The following RHBDD1 variants were observed in gnomAD, a reference collection of about 807,000 sequenced individuals.
The protein encoded by RHBDD1 is rhomboid domain containing 1.
RHBDD1 carries 38 observed loss-of-function variants against 36.3 expected under a neutral mutation model. The ratio of observed to expected loss-of-function variants is 1.05; its 90% confidence interval spans 0.81 to 1.37. The LOEUF is 1.37. Ranked by LOEUF, RHBDD1 falls within the 40% of genes most tolerant of loss-of-function variation. The pLI is 0.00. For synonymous variants in RHBDD1, 151 were observed against 136.5 expected, an observed-to-expected ratio of 1.11 and a Z score of -0.74; for missense variants, 393 against 377.6, an observed-to-expected ratio of 1.04 and a Z score of -0.34.
At chr2:226,942,607 T>C (rs1269028706) in intron 8 of RHBDD1, 2 of 266,520 alleles carry the variant, frequency 7.5e-6, no homozygotes, top group Non-Finnish European at 1.5e-5. Flanking sequence ...GATAATTCTT[T>C]GCTAAATTAA....
At chr2:226,964,999 G>T (rs766073478) in intron 8 of RHBDD1, among the ~76,000 whole-genome samples, 1 of 152,308 alleles carries the variant, frequency 6.6e-6, no homozygotes. Context: ...AGAATAATTT[G>T]TAGAGCATCA....
chr2:226,963,190 A>G (rs1952352074), intron 8 of RHBDD1, among the ~76,000 whole-genome samples: 1 of 152,190 alleles, frequency 6.6e-6, no homozygotes, highest in Non-Finnish European at 1.5e-5. Flanking sequence ...AAGATAAAAA[A>G]AAGAATCCAG....
chr2:226,886,785 T>C (rs1274015448), intron 5 of RHBDD1, among the ~76,000 whole-genome samples: 1 of 152,142 alleles, frequency 6.6e-6, no homozygotes, highest in Non-Finnish European at 1.5e-5. Context: ...ATACTACATA[T>C]CAAACCTGTG....
upstream of RHBDD1, among the ~76,000 whole-genome samples, chr2:226,833,246 G>C (rs780144272): frequency 1.3e-5 from 2 of 152,096 alleles, no homozygotes; most frequent in East Asian, 3.8e-4. Flanking sequence ...GTACAGTTTT[G>C]GGTAAAACAG....
chr2:226,884,165 G>T (rs552940143), intron 5 of RHBDD1, among the ~76,000 whole-genome samples: 2 of 152,220 alleles, frequency 1.3e-5, no homozygotes, highest in African/African-American at 4.8e-5. Flanking sequence ...TTTTAAAATA[G>T]AGAGTTCTTT....
intron 5 of RHBDD1, among the ~76,000 whole-genome samples, chr2:226,874,809 A>G (rs1262577449): frequency 1.3e-5 from 2 of 152,204 alleles, no homozygotes; most frequent in African/African-American, 2.4e-5. Context: ...CTACTACAGC[A>G]TAAACAAAAA....
At chr2:226,983,866 G>T (rs990636905) in intron 8 of RHBDD1, among the ~76,000 whole-genome samples, 4 of 152,160 alleles carry the variant, frequency 2.6e-5, no homozygotes, top group Non-Finnish European at 4.4e-5. Context: ...AATAAAACAG[G>T]TCTAAATATT....
At chr2:226,947,724 GA>G (rs1208367767) in intron 8 of RHBDD1, among the ~76,000 whole-genome samples, 2 of 151,954 alleles carry the variant, frequency 1.3e-5, no homozygotes, top group Non-Finnish European at 2.9e-5. Context: ...AAATTTACAA[GA>G]AAAAAACAAC....
In RHBDD1 at chr2:226,915,402, G is replaced by T. The variant is rs148332865; in HGVS notation, c.856+1051G>T. Among the ~76,000 whole-genome samples, 88 of 152,252 alleles carry T rather than the reference G, an allele frequency of 5.8e-4. 1 individual carries two copies. The highest frequency in any genetic ancestry group is 6.8e-3 in the Middle Eastern group (2 of 294). On this transcript the variant is annotated intron_variant, in intron 8 of 8. Transcript: ENST00000392062. ...GGAAGAAGAGTGGGAAGCTAGGCTG[G>T]GTCCGGATCGCAGGGGTCCTAGAAT...
At chr2:226,880,893 G>A (rs926775205) in intron 5 of RHBDD1, among the ~76,000 whole-genome samples, 4 of 152,160 alleles carry the variant, frequency 2.6e-5, no homozygotes, top group Admixed American at 2.6e-4. Context: ...CATACTCCGT[G>A]TAGAAAAGTT....
intron 8 of RHBDD1, among the ~76,000 whole-genome samples, chr2:226,942,720 AT>A (rs1410556829): frequency 3.9e-5 from 6 of 151,964 alleles, no homozygotes; most frequent in African/African-American, 1.4e-4. Context: ...TTTGGTTTGG[AT>A]TTTTTTTAAT....
intron 4 of RHBDD1, among the ~76,000 whole-genome samples, chr2:226,865,805 C>G (rs1465035157): frequency 2.6e-5 from 4 of 152,194 alleles, no homozygotes. Flanking sequence ...CCCCTTTTAT[C>G]TCAGGGTGTT....
At chr2:226,831,885 AC>A (rs1198598466), upstream of RHBDD1, among the ~76,000 whole-genome samples, 2 of 151,596 alleles carry the variant, frequency 1.3e-5, no homozygotes, top group Admixed American at 1.3e-4. Context: ...GTAGTGATGT[AC>A]CTGTTTTGAT....
chr2:226,974,268 C>T (rs928359523), intron 8 of RHBDD1, among the ~76,000 whole-genome samples: 2 of 131,730 alleles, frequency 1.5e-5, no homozygotes, highest in African/African-American at 2.9e-5. Context: ...GACAGAGTCT[C>T]GCTCTGTCGC....
At chr2:226,964,852 C>A (rs1030153724) in intron 8 of RHBDD1, among the ~76,000 whole-genome samples, 5 of 152,104 alleles carry the variant, frequency 3.3e-5, no homozygotes, top group Admixed American at 6.5e-5. Context: ...GAAATAAGAG[C>A]CAGGTCACAC....
At chr2:226,926,582 GGGTTACACA>G (rs1005471904) in intron 8 of RHBDD1, among the ~76,000 whole-genome samples, 1 of 152,060 alleles carries the variant, frequency 6.6e-6, no homozygotes, top group Non-Finnish European at 1.5e-5. Context: ...AATTGGATTT[GGGTTACACA>G]TTTTTAGCAA....
Position 226,908,824 on chromosome 2 carries a change from G to A in RHBDD1, c.658G>A (p.Gly220Ser), listed in dbSNP as rs775380684. The A allele has an allele frequency of 1.4e-5, 23 of 1,602,988 alleles. No individual in the cohort carries two copies. The highest frequency in any genetic ancestry group is 1.6e-4 in the Middle Eastern group (1 of 6,062). Residue 220 changes from glycine (G) to serine (S), a missense_variant and splice_region_variant, in exon 7 of 9, where the codon GGT becomes AGT. Transcript: ENST00000392062. ...LKKIMEACAG[G>S]FSSSVGYPGR... ...ATGTTTATTTCTTTTACGTTTAGGC[G>A]GTTTTTCCTCCAGTGTTGGTTACCC...
At chr2:226,947,400 A>T (rs959006122) in intron 8 of RHBDD1, among the ~76,000 whole-genome samples, 5 of 151,930 alleles carry the variant, frequency 3.3e-5, no homozygotes, top group Admixed American at 1.3e-4. Context: ...TTTGTCAAAG[A>T]TCAGATAGTT....
chr2:226,802,521 C>A, the RHBDD1 span, among the ~76,000 whole-genome samples: 4 of 152,096 alleles, frequency 2.6e-5, no homozygotes, highest in Non-Finnish European at 5.9e-5. Flanking sequence ...GAAAGAGACG[C>A]GTTTGTGGGA....
Sources: gnomAD v4.1 joint callset for allele counts (sites outside exome capture counted in the v4.1 genomes callset) on GRCh38, gnomAD v4.1.1 for gene constraint, MANE v1.5 for transcripts, NCBI Gene and HGNC (gene_info 2026-07-23, HGNC 2026-07-21) for gene names.